The following INO80D variants were observed in gnomAD, a reference collection of about 807,000 sequenced individuals.
INO80D encodes the protein INO80 complex subunit D.
A neutral mutation model predicts 87.6 loss-of-function variants in INO80D; 21 were observed. The ratio of observed to expected loss-of-function variants is 0.24; its 90% CI spans 0.17 to 0.35. The LOEUF (loss-of-function observed/expected upper bound fraction) is 0.35. Among genes scored for constraint, INO80D ranks in the 10% least tolerant of loss-of-function variants. The probability of loss-of-function intolerance (pLI) is 1.00; values close to 1 mark genes in which losing one functional copy is unlikely to be tolerated. For synonymous variants in INO80D, 440 were observed against 491.0 expected, an observed-to-expected ratio of 0.90 and a Z score of 1.37; for missense variants, 982 against 1,280.7, an observed-to-expected ratio of 0.77 and a Z score of 3.56.
intron 4 of INO80D, among the ~76,000 whole-genome samples, chr2:206,050,095 G>C (rs188272798): frequency 6.6e-6 from 1 of 150,870 alleles, no homozygotes; most frequent in Non-Finnish European, 1.5e-5. Flanking sequence ...ATCACACCAC[G>C]GCACTCCAGC....
chr2:206,070,039 T>C (rs948665317), intron 1 of INO80D, among the ~76,000 whole-genome samples: 1 of 151,510 alleles, frequency 6.6e-6, no homozygotes, highest in Non-Finnish European at 1.5e-5. Context: ...TTTGGGAGGC[T>C]GAGGCGTGTA....
chr2:206,057,660 C>T (rs1210515967), intron 3 of INO80D, among the ~76,000 whole-genome samples: 1 of 151,834 alleles, frequency 6.6e-6, no homozygotes, highest in Non-Finnish European at 1.5e-5. Context: ...GAGCTAAGAC[C>T]AACTAAAATC....
chr2:206,023,402 G>A (rs938331496), intron 6 of INO80D, among the ~76,000 whole-genome samples: 4 of 151,932 alleles, frequency 2.6e-5, no homozygotes, highest in African/African-American at 4.8e-5. Context: ...AAAAGCTGCC[G>A]GCTGGGCGCA....
At chr2:206,005,839 G>T (rs1008266110) in intron 10 of INO80D, among the ~76,000 whole-genome samples, 1 of 152,104 alleles carries the variant, frequency 6.6e-6, no homozygotes, top group African/African-American at 2.4e-5. Flanking sequence ...AAAGCTCATG[G>T]TGACTATGTG....
intron 6 of INO80D, chr2:206,025,542 A>AAAAAAAAAAAAAAAAAAAAAATATAT (rs71301548): frequency 5.2e-5 from 4 of 76,930 alleles, no homozygotes; most frequent in Non-Finnish European, 1.0e-4. Flanking sequence ...AAAAAAAAAA[A>AAAAAAAAAAAAAAAAAAAAAATATAT]ATATATATAT....
intron 6 of INO80D, among the ~76,000 whole-genome samples, chr2:206,027,566 TG>T (rs1390729752): frequency 6.6e-6 from 1 of 152,068 alleles, no homozygotes; most frequent in Non-Finnish European, 1.5e-5. Flanking sequence ...TAGCTGGGTA[TG>T]GTTTCACATG....
chr2:206,006,086 T>C (rs1023431318), intron 10 of INO80D, among the ~76,000 whole-genome samples: 3 of 152,168 alleles, frequency 2.0e-5, no homozygotes, highest in Non-Finnish European at 4.4e-5. Context: ...ATGCTTTTGC[T>C]TTACTCTCTA....
chr2:206,036,801 G>A (rs1688907274), intron 5 of INO80D, among the ~76,000 whole-genome samples: 1 of 152,212 alleles, frequency 6.6e-6, no homozygotes, highest in Admixed American at 6.5e-5. Context: ...GCACTTGGAT[G>A]CTGAGGCACG....
intron 1 of INO80D, among the ~76,000 whole-genome samples, chr2:206,081,323 T>A (rs1690277906): frequency 6.6e-6 from 1 of 152,222 alleles, no homozygotes; most frequent in South Asian, 2.1e-4. Flanking sequence ...TAAACAGTGG[T>A]TATCCTTTGA....
chr2:206,044,888 G>A (rs1442944668), intron 5 of INO80D, among the ~76,000 whole-genome samples: 1 of 152,160 alleles, frequency 6.6e-6, no homozygotes, highest in Non-Finnish European at 1.5e-5. Context: ...ATGACTGATG[G>A]TATCTATAAC....
intron 1 of INO80D, among the ~76,000 whole-genome samples, chr2:206,065,607 G>T (rs1312366190): frequency 1.3e-5 from 2 of 152,060 alleles, no homozygotes; most frequent in Non-Finnish European, 2.9e-5. Context: ...ACAACCTACG[G>T]AATGGGAGAA....
intron 10 of INO80D, among the ~76,000 whole-genome samples, chr2:206,006,613 G>T (rs2105796309): frequency 6.7e-6 from 1 of 149,786 alleles, no homozygotes; most frequent in South Asian, 2.1e-4. Context: ...AACATGGGAG[G>T]CAGAGGTTGC....
At chr2:206,011,446 C>T (rs1688172103) in intron 8 of INO80D, among the ~76,000 whole-genome samples, 2 of 152,192 alleles carry the variant, frequency 1.3e-5, no homozygotes. Context: ...CCTTGCTCGC[C>T]TCCAGAGAGC....
At chr2:206,040,153 C>T (rs1442920694) in intron 5 of INO80D, among the ~76,000 whole-genome samples, 1 of 151,570 alleles carries the variant, frequency 6.6e-6, no homozygotes, top group Non-Finnish European at 1.5e-5. Context: ...ATTAGCCGGG[C>T]GTAGTGGTGC....
intron 7 of INO80D, among the ~76,000 whole-genome samples, chr2:206,018,226 G>A (rs1688369510): frequency 6.6e-6 from 1 of 152,028 alleles, no homozygotes; most frequent in Non-Finnish European, 1.5e-5. Flanking sequence ...CTGCCACCTC[G>A]GCCTCCCGGG....
chr2:206,006,544 A>T (rs1358179855), intron 10 of INO80D, among the ~76,000 whole-genome samples: 2 of 151,946 alleles, frequency 1.3e-5, no homozygotes, highest in Non-Finnish European at 2.9e-5. Context: ...TTAGCTGGGC[A>T]TGGTGGCAGA....
At chr2:206,077,736 T>A (rs781096076) in intron 1 of INO80D, among the ~76,000 whole-genome samples, 1 of 152,134 alleles carries the variant, frequency 6.6e-6, no homozygotes, top group African/African-American at 2.4e-5. Context: ...CTCCTCAAAG[T>A]TCTTTTGTGC....
At chr2:206,007,232 T>C (rs1688050656) in intron 10 of INO80D, 52 bp downstream of exon 10, 8 of 1,513,032 alleles carry the variant, frequency 5.3e-6, no homozygotes, top group Non-Finnish European at 7.3e-6. Context: ...ATTTCTTTTC[T>C]TATAAACTCA....
At chr2:206,020,048 C>T (rs1403446499) in intron 6 of INO80D, among the ~76,000 whole-genome samples, 3 of 150,914 alleles carry the variant, frequency 2.0e-5, no homozygotes, top group Non-Finnish European at 4.4e-5. Context: ...TTCTGACATT[C>T]AAAGCTGATA....
Sources: allele counts gnomAD v4.1 joint callset (sites outside exome capture counted in the v4.1 genomes callset), GRCh38; gene constraint gnomAD v4.1.1; transcripts MANE v1.5; gene names NCBI Gene and HGNC (gene_info 2026-07-23, HGNC 2026-07-21).